Variants in FSTL5 observed in about 807,000 individuals in gnomAD.
The protein encoded by FSTL5 is follistatin-related protein 5.
Under a neutral mutation model 89.1 loss-of-function variants are expected in FSTL5, and 62 were observed. That is an observed-to-expected ratio of 0.70 (90% confidence interval 0.57 to 0.86). The LOEUF (loss-of-function observed/expected upper bound fraction) is 0.86, where lower values mean the gene tolerates loss of function less well. FSTL5 is among the 40% of genes least tolerant of loss of function. FSTL5 has a pLI of 0.00. For synonymous variants in FSTL5, 383 were observed against 346.2 expected, an observed-to-expected ratio of 1.11 and a Z score of -1.18; for missense variants, 1,057 against 1,001.6, an observed-to-expected ratio of 1.06 and a Z score of -0.75.
rs143201891 is a variant in FSTL5, at chr4:162,103,815, G to A, written c.126+7456C>T. On this transcript the variant is annotated intron_variant, in intron 2 of 15. Coordinates refer to ENST00000306100, the MANE Select transcript of FSTL5 (RefSeq NM_020116.5). ...GGGTCTTGCAACTTAGCTCACACCC[G>A]ACCAATCAGAGAGCTCACTAAAATG... Among the ~76,000 whole-genome samples the A allele has an allele frequency of 2.5e-3, 374 of 152,198 alleles. 2 individuals carry two copies. Among genetic ancestry groups the A allele is most frequent in the African/African-American group, 8.6e-3 (356 of 41,550 alleles).
At chr4:161,502,774 A>G (rs980360558) in intron 11 of FSTL5, among the ~76,000 whole-genome samples, 1 of 151,670 alleles carries the variant, frequency 6.6e-6, no homozygotes, top group Non-Finnish European at 1.5e-5. Flanking sequence ...TTCTCTTTCA[A>G]TTTGCTGCTT....
chr4:161,592,281 T>C (rs556797738), intron 7 of FSTL5, among the ~76,000 whole-genome samples: 5 of 152,202 alleles, frequency 3.3e-5, no homozygotes, highest in Non-Finnish European at 7.4e-5. Context: ...ATTATTATTA[T>C]TATCATTATT....
At chr4:161,947,680 GT>G (rs1734773203) in intron 3 of FSTL5, among the ~76,000 whole-genome samples, 1 of 151,942 alleles carries the variant, frequency 6.6e-6, no homozygotes, top group African/African-American at 2.4e-5. Flanking sequence ...TTCATTATAT[GT>G]TTTTCAGAAT....
At chr4:161,418,265 G>A (rs1251952514) in intron 15 of FSTL5, among the ~76,000 whole-genome samples, 1 of 152,044 alleles carries the variant, frequency 6.6e-6, no homozygotes, top group South Asian at 2.1e-4. Context: ...ATCTCTGTCC[G>A]CCATGACCCT....
At chr4:161,876,325 A>C (rs1732442237) in intron 4 of FSTL5, among the ~76,000 whole-genome samples, 1 of 152,200 alleles carries the variant, frequency 6.6e-6, no homozygotes, top group African/African-American at 2.4e-5. Flanking sequence ...CATTATAATC[A>C]AGAGGAAACA....
intron 11 of FSTL5, among the ~76,000 whole-genome samples, chr4:161,504,093 G>T (rs776856257): frequency 4.0e-5 from 6 of 151,826 alleles, no homozygotes; most frequent in Non-Finnish European, 8.9e-5. Context: ...TGTAAACAAT[G>T]TTTTACCTTT....
chr4:161,803,352 A>C (rs1460563034), intron 4 of FSTL5, among the ~76,000 whole-genome samples: 2 of 151,990 alleles, frequency 1.3e-5, no homozygotes, highest in East Asian at 3.8e-4. Flanking sequence ...AAAACTTTGA[A>C]GATAATATAT....
At chr4:161,440,929 G>A (rs1442045488) in intron 15 of FSTL5, among the ~76,000 whole-genome samples, 1 of 152,006 alleles carries the variant, frequency 6.6e-6, no homozygotes, top group Non-Finnish European at 1.5e-5. Context: ...CTGTTAAATT[G>A]CCTAATAAAT....
At chr4:161,895,335 G>A (rs1279312951) in intron 4 of FSTL5, among the ~76,000 whole-genome samples, 1 of 152,098 alleles carries the variant, frequency 6.6e-6, no homozygotes, top group Non-Finnish European at 1.5e-5. Context: ...AAATGCAAAT[G>A]TCCTTTTTTT....
At chr4:162,033,455 T>C (rs1320531844) in intron 3 of FSTL5, among the ~76,000 whole-genome samples, 170 bp downstream of exon 3, 5 of 152,282 alleles carry the variant, frequency 3.3e-5, no homozygotes, top group Middle Eastern at 3.4e-3. Flanking sequence ...GAATACCCTT[T>C]GGCCCTGGGG....
intron 6 of FSTL5, among the ~76,000 whole-genome samples, chr4:161,757,991 A>G (rs905432036): frequency 6.6e-6 from 1 of 152,182 alleles, no homozygotes; most frequent in Non-Finnish European, 1.5e-5. Flanking sequence ...CTAACAGTTT[A>G]CCGGATCATC....
At chr4:161,435,890 C>T (rs572102531) in intron 15 of FSTL5, among the ~76,000 whole-genome samples, 1 of 152,010 alleles carries the variant, frequency 6.6e-6, no homozygotes, top group South Asian at 2.1e-4. Flanking sequence ...ACTGGACTTC[C>T]CCCCAAAGAA....
In FSTL5 at chr4:162,163,698, C is replaced by G. The variant is rs1733784429; in HGVS notation, c.-100G>C. On this transcript the variant is annotated 5_prime_UTR_variant, in exon 1 of 16. Coordinates refer to ENST00000306100, the MANE Select transcript of FSTL5 (RefSeq NM_020116.5). Reference sequence around the variant, plus strand: ...AATCACAATAAAAAAAAAAAACTCTCAAAAGATCGTCTTAGCTGGGGAAAA... The same window carrying G: ...AATCACAATAAAAAAAAAAAACTCTGAAAAGATCGTCTTAGCTGGGGAAAA... The G allele has an allele frequency of 1.3e-5, 2 of 151,060 alleles. No homozygotes were observed. The highest frequency in any genetic ancestry group is 4.2e-4 in the South Asian group (2 of 4,802). The allele number at this position is 151,060 out of a possible 1,614,324, so 9.4% of individuals were successfully genotyped here. A position where few individuals can be genotyped will look rare whatever the true frequency, so the allele number is the denominator to read the frequency against.
intron 3 of FSTL5, chr4:162,032,541 T>C (rs1303312367): frequency 6.6e-6 from 1 of 152,168 alleles, no homozygotes; most frequent in Non-Finnish European, 1.5e-5. Flanking sequence ...AGCAAAATTA[T>C]TTAAAAACGC....
intron 15 of FSTL5, among the ~76,000 whole-genome samples, chr4:161,397,452 AAT>A (rs1259520330): frequency 6.6e-6 from 1 of 151,766 alleles, no homozygotes; most frequent in African/African-American, 2.4e-5. Context: ...TAGGCTATAT[AAT>A]ATAGTGGGTT....
intron 6 of FSTL5, among the ~76,000 whole-genome samples, chr4:161,715,308 A>T (rs1738937583): frequency 6.6e-6 from 1 of 152,166 alleles, no homozygotes; most frequent in African/African-American, 2.4e-5. Context: ...AAAGGCAATT[A>T]CCCATAGTTC....
rs534303773 is a variant in FSTL5, at chr4:161,387,685, T to C, written c.1842-1236A>G. ...TAAATATCATAGAAAAATAAAATAT[T>C]CTCAAAATCAGTCCCGTTTTGCAAT... On this transcript the variant is annotated intron_variant, in intron 15 of 15. Coordinates refer to ENST00000306100, the MANE Select transcript of FSTL5 (RefSeq NM_020116.5). 3.3e-5 allele frequency: 5 copies of C among 152,096 alleles called. No homozygotes were observed. The South Asian group carries it at 1.0e-3, about 32-fold the overall frequency. The allele number at this position is 152,096 out of a possible 1,614,324, so 9.4% of individuals were successfully genotyped here.
At chr4:161,989,599 A>G (rs1467980543) in intron 3 of FSTL5, among the ~76,000 whole-genome samples, 3 of 152,114 alleles carry the variant, frequency 2.0e-5, no homozygotes, top group Non-Finnish European at 4.4e-5. Flanking sequence ...TGAAATATCA[A>G]ATGTATTAGG....
At chr4:162,153,707 T>TA (rs1733336855) in intron 1 of FSTL5, among the ~76,000 whole-genome samples, 4 of 143,690 alleles carry the variant, frequency 2.8e-5, no homozygotes, top group Non-Finnish European at 6.0e-5. Context: ...ATGTATATTA[T>TA]ATATGTATAT....
Sources: gnomAD v4.1 joint callset for allele counts (sites outside exome capture counted in the v4.1 genomes callset) on GRCh38, gnomAD v4.1.1 for gene constraint, MANE v1.5 for transcripts, NCBI Gene and HGNC (gene_info 2026-07-23, HGNC 2026-07-21) for gene names.